The following DOCK3 variants were observed in gnomAD, a reference collection of about 807,000 sequenced individuals.
DOCK3 encodes dedicator of cytokinesis 3.
Under a neutral mutation model 265.6 loss-of-function variants are expected in DOCK3, and 60 were observed. The ratio of observed to expected loss-of-function variants is 0.23; its 90% CI spans 0.18 to 0.28. The LOEUF is 0.28. Among genes scored for constraint, DOCK3 ranks in the 10% least tolerant of loss-of-function variants. The pLI, the probability that DOCK3 is intolerant of heterozygous loss-of-function variation, is 1.00. For synonymous variants in DOCK3, 881 were observed against 938.0 expected, an observed-to-expected ratio of 0.94 and a Z score of 1.11; for missense variants, 1,981 against 2,594.3, an observed-to-expected ratio of 0.76 and a Z score of 5.14.
At chr3:51,198,937 G>A (rs914939409) in intron 12 of DOCK3, among the ~76,000 whole-genome samples, 1 of 152,166 alleles carries the variant, frequency 6.6e-6, no homozygotes, top group East Asian at 1.9e-4. Context: ...GCTGAGGCAT[G>A]AGAATCGCTT....
intron 2 of DOCK3, among the ~76,000 whole-genome samples, chr3:50,824,214 G>T (rs924962728): frequency 1.3e-5 from 2 of 152,132 alleles, no homozygotes; most frequent in Admixed American, 1.3e-4. Context: ...TATTTCTGAG[G>T]TTTTCTATTT....
rs113984097 is a variant in DOCK3, at chr3:51,109,031, G to A, written c.746+18647G>A. On this transcript the variant is annotated intron_variant, in intron 9 of 52. Transcript: ENST00000266037. ...GAACTCAACACTGGACCAAATGGAT[G>A]TGATAGACATCTACAAAACTCCACC... is the stretch of plus-strand genomic sequence containing the variant. Among the ~76,000 whole-genome samples the A allele has an allele frequency of 4.6e-5, 7 of 152,274 alleles. 2 individuals carry two copies. Among genetic ancestry groups the A allele is most frequent in the African/African-American group, 1.7e-4 (7 of 41,554 alleles).
At chr3:50,937,540 A>C (rs1296992208) in intron 5 of DOCK3, among the ~76,000 whole-genome samples, 1 of 151,610 alleles carries the variant, frequency 6.6e-6, no homozygotes, top group Non-Finnish European at 1.5e-5. Context: ...CTGTATTCCC[A>C]AGCTACTCGA....
At chr3:51,161,487 G>A (rs910503495) in intron 12 of DOCK3, among the ~76,000 whole-genome samples, 6 of 151,918 alleles carry the variant, frequency 3.9e-5, no homozygotes, top group Non-Finnish European at 8.8e-5. Flanking sequence ...AATAAAATGC[G>A]GAAGATTGAT....
At chr3:50,996,877 A>G (rs989616055) in intron 5 of DOCK3, among the ~76,000 whole-genome samples, 18 of 152,316 alleles carry the variant, frequency 1.2e-4, no homozygotes, top group African/African-American at 3.8e-4. Flanking sequence ...TGTCTCTGAC[A>G]GCACCTCTTT....
At chr3:50,701,644 T>C (rs951870393) in intron 1 of DOCK3, among the ~76,000 whole-genome samples, 2 of 152,194 alleles carry the variant, frequency 1.3e-5, no homozygotes, top group East Asian at 3.9e-4. Context: ...GAGGTCTTAG[T>C]CATAAAATCT....
At chr3:50,918,162 A>G (rs1036974736) in intron 4 of DOCK3, among the ~76,000 whole-genome samples, 2 of 152,084 alleles carry the variant, frequency 1.3e-5, no homozygotes, top group African/African-American at 4.8e-5. Context: ...TCTATCATTG[A>G]TGGACATTTG....
chr3:51,174,984 G>A (rs2086865952), intron 12 of DOCK3, among the ~76,000 whole-genome samples: 2 of 152,196 alleles, frequency 1.3e-5, no homozygotes. Context: ...GCCCCAGTTG[G>A]TTGCTCAAGT....
Position 51,260,164 on chromosome 3 carries a change from G to A in DOCK3, c.2193G>A (p.Glu731=). The part of the protein sequence containing the change: ...DHIQEAMRAL[E]YLFKFIVQSR... ...TCTCCCACACTTTTCAGGCCTTGGAGTACCTTTTCAAGTTCATTGTACAGT... is the reference window on the plus strand; with the variant it reads ...TCTCCCACACTTTTCAGGCCTTGGAATACCTTTTCAAGTTCATTGTACAGT... Residue 731 remains glutamate, a synonymous_variant, in exon 23 of 53, where the codon GAG becomes GAA. Coordinates refer to ENST00000266037, the MANE Select transcript of DOCK3 (RefSeq NM_004947.5). 6.2e-7 allele frequency: 1 copy of A among 1,612,572 alleles called. No individual in the cohort carries two copies. The highest frequency in any genetic ancestry group is 1.7e-5 in the Admixed American group (1 of 59,828).
At chr3:51,021,033 G>A (rs886174186) in intron 5 of DOCK3, among the ~76,000 whole-genome samples, 2 of 151,892 alleles carry the variant, frequency 1.3e-5, no homozygotes, top group Non-Finnish European at 2.9e-5. Context: ...AATGGGAATA[G>A]CATTGAAACT....
At chr3:50,832,312 C>A (rs1166060273) in intron 2 of DOCK3, among the ~76,000 whole-genome samples, 1 of 152,198 alleles carries the variant, frequency 6.6e-6, no homozygotes, top group African/African-American at 2.4e-5. Context: ...GCAAAGACTT[C>A]ATGACTAAAA....
intron 3 of DOCK3, chr3:50,876,615 G>C (rs1331011890): frequency 6.6e-6 from 1 of 152,254 alleles, no homozygotes; most frequent in African/African-American, 2.4e-5. Context: ...AGGTACACCG[G>C]TTTGTATTAT....
At chr3:51,070,096 A>G (rs2109328705) in intron 6 of DOCK3, among the ~76,000 whole-genome samples, 1 of 152,316 alleles carries the variant, frequency 6.6e-6, no homozygotes, top group African/African-American at 2.4e-5. Context: ...ACACTGTTAC[A>G]CAGACACTCT....
At chr3:50,800,560 C>G (rs7639301) in intron 2 of DOCK3, among the ~76,000 whole-genome samples, 114,914 of 151,938 alleles carry the variant, frequency 0.76, 44,600 homozygotes, top group Middle Eastern at 0.88. Flanking sequence ...TTATTTGGAT[C>G]TTCTCTTTTT....
chr3:50,981,728 T>C (rs890985915), intron 5 of DOCK3, among the ~76,000 whole-genome samples: 2 of 152,244 alleles, frequency 1.3e-5, no homozygotes, highest in Non-Finnish European at 2.9e-5. Flanking sequence ...AAATAGTTTT[T>C]GACTTAAAGT....
At chr3:50,942,061 C>T (rs1418666461) in intron 5 of DOCK3, among the ~76,000 whole-genome samples, 1 of 152,020 alleles carries the variant, frequency 6.6e-6, no homozygotes, top group African/African-American at 2.4e-5. Context: ...TTGGTTTTGA[C>T]AGTGTACTGT....
intron 12 of DOCK3, among the ~76,000 whole-genome samples, chr3:51,192,884 A>C (rs2088035721): frequency 6.6e-6 from 1 of 152,098 alleles, no homozygotes; most frequent in Non-Finnish European, 1.5e-5. Flanking sequence ...GGGCTAACTC[A>C]TCCAACTTGG....
chr3:51,126,638 A>G (rs2084279650), intron 9 of DOCK3, among the ~76,000 whole-genome samples: 1 of 152,130 alleles, frequency 6.6e-6, no homozygotes, highest in Admixed American at 6.6e-5. Context: ...ATTCATCTAC[A>G]TGCTTGTTAT....
At chr3:51,052,503 A>G (rs2081031507) in intron 5 of DOCK3, among the ~76,000 whole-genome samples, 1 of 152,188 alleles carries the variant, frequency 6.6e-6, no homozygotes, top group African/African-American at 2.4e-5. Flanking sequence ...CTGTCTAAAA[A>G]ATGAATGAAT....
Sources: gnomAD v4.1 joint callset for allele counts (sites outside exome capture counted in the v4.1 genomes callset) on GRCh38, gnomAD v4.1.1 for gene constraint, MANE v1.5 for transcripts, NCBI Gene and HGNC (gene_info 2026-07-23, HGNC 2026-07-21) for gene names.